WFDC13: variants seen among roughly 807,000 people sequenced by gnomAD.
WFDC13 encodes the protein WAP four-disulfide core domain protein 13.
In WFDC13, 6 loss-of-function variants were observed where a neutral mutation model predicts 10.9. The ratio of observed to expected loss-of-function variants is 0.55; its 90% CI spans 0.30 to 1.09. The LOEUF (loss-of-function observed/expected upper bound fraction) is 1.09. WFDC13 is among the 50% of genes least tolerant of loss of function. The pLI is 0.06. For missense variants in WFDC13, 104 were observed against 109.6 expected (o/e 0.95, Z 0.23); for synonymous variants, 38 against 39.5 (o/e 0.96, Z 0.14).
chr20:45,706,858 T>C (rs1261322407), intron 3 of WFDC13, among the ~76,000 whole-genome samples: 1 of 152,214 alleles, frequency 6.6e-6, no homozygotes, highest in Non-Finnish European at 1.5e-5. Context: ...CCTGTGGAAT[T>C]CCACCACCAA....
intron 1 of WFDC13, among the ~76,000 whole-genome samples, chr20:45,702,497 T>C (rs1454010624): frequency 1.3e-5 from 2 of 152,210 alleles, no homozygotes; most frequent in African/African-American, 2.4e-5. Flanking sequence ...TGCTCAGTAA[T>C]ATTAAATGCT....
In WFDC13 at chr20:45,708,316, C is replaced by T. The variant is rs1984476226; in HGVS notation, c.*481C>T. On this transcript the variant is annotated 3_prime_UTR_variant, in exon 4 of 4. Transcript: ENST00000305479. ...AGGCTTCATGGCCATATCATGAACC[C>T]AGGACAGGCACAGTGGGGGTGGTGA... The T allele has an allele frequency of 6.6e-6, 1 of 152,198 alleles. No individual in the cohort carries two copies. Among genetic ancestry groups the T allele is most frequent in the East Asian group, 1.9e-4 (1 of 5,204 alleles). 9.4% of individuals were successfully genotyped at this position (152,198 alleles called of 1,614,324 possible).
intron 1 of WFDC13, among the ~76,000 whole-genome samples, chr20:45,702,600 G>C (rs190524502): frequency 4.6e-5 from 7 of 152,354 alleles, no homozygotes; most frequent in African/African-American, 1.4e-4. Flanking sequence ...ATAAAACAGA[G>C]AGACAACGAA....
At chr20:45,703,647 T>C (rs867248089) in intron 1 of WFDC13, among the ~76,000 whole-genome samples, 2 of 152,226 alleles carry the variant, frequency 1.3e-5, no homozygotes, top group South Asian at 4.1e-4. Context: ...AAGGAGATTG[T>C]GGGTTGTGGA....
At chr20:45,702,562 A>G (rs1383179838) in intron 1 of WFDC13, among the ~76,000 whole-genome samples, 2 of 152,218 alleles carry the variant, frequency 1.3e-5, no homozygotes, top group African/African-American at 2.4e-5. Flanking sequence ...TGGCTCCTTC[A>G]TGGATGCTTG....
chr20:45,706,767 G>A (rs1306702942), intron 3 of WFDC13, among the ~76,000 whole-genome samples: 12 of 102,368 alleles, frequency 1.2e-4, no homozygotes, highest in East Asian at 8.0e-4. Flanking sequence ...GTGAGACTCC[G>A]TCTCAAAAAA....
chr20:45,706,720 C>T (rs949758593), intron 3 of WFDC13, among the ~76,000 whole-genome samples: 1 of 150,146 alleles, frequency 6.7e-6, no homozygotes, highest in Non-Finnish European at 1.5e-5. Flanking sequence ...TGCAGTGAGC[C>T]AAGAGTGCAC....
rs367643481 is a variant in WFDC13 at position 45,704,509 on chromosome 20, C to A, written c.154C>A (p.Gln52Lys). The change falls in exon 2 of 4, where the codon CAG becomes AAG. Residue 52 changes from glutamine (Q) to lysine (K), a missense_variant. Coordinates refer to ENST00000305479, the MANE Select transcript of WFDC13 (RefSeq NM_172005.2). Reference sequence around the variant, plus strand: ...AAACTGTACTCACCTGTGTACAATGCAGGAAGATTGCGAGAAAGGATTTCA... The same window carrying A: ...AAACTGTACTCACCTGTGTACAATGAAGGAAGATTGCGAGAAAGGATTTCA... ...PENCTHLCTM[Q>K]EDCEKGFQCC... 1 of 1,614,170 alleles carries A rather than the reference C, an allele frequency of 6.2e-7. No homozygotes were observed. The highest frequency in any genetic ancestry group is 8.5e-7 in the Non-Finnish European group (1 of 1,180,030).
intron 2 of WFDC13, chr20:45,705,265 A>T: frequency 4.4e-6 from 2 of 455,500 alleles, no homozygotes; most frequent in South Asian, 2.7e-5. Flanking sequence ...TGCAAGGCCC[A>T]TATGAAATTT....
At chr20:45,703,720 G>A (rs1322568286) in intron 1 of WFDC13, among the ~76,000 whole-genome samples, 1 of 152,100 alleles carries the variant, frequency 6.6e-6, no homozygotes, top group Non-Finnish European at 1.5e-5. Context: ...TTGGGGGTAG[G>A]GGAGGAAATA....
At position 45,705,897 on chromosome 20, in the gene WFDC13, G is replaced by GC. The variant is rs747788685; in HGVS notation, c.276dup (p.Asn93GlnfsTer7). ...CAAGGGCTCAGAAGTCATCATGCCT[G>GC]CCAACTGAGGCATATTTCCTAGATC... is the stretch of plus-strand genomic sequence containing the variant. On this transcript the variant is annotated frameshift_variant, in exon 3 of 4. Coordinates refer to ENST00000305479, the MANE Select transcript of WFDC13 (RefSeq NM_172005.2). LOFTEE classifies it high-confidence loss of function. The GC allele has an allele frequency of 1.2e-6, 2 of 1,613,882 alleles. No homozygotes were observed. The highest frequency in any genetic ancestry group is 1.3e-5 in the African/African-American group (1 of 74,910).
chr20:45,707,021 G>C (rs1295726573), intron 3 of WFDC13, among the ~76,000 whole-genome samples: 1 of 152,248 alleles, frequency 6.6e-6, no homozygotes, highest in Non-Finnish European at 1.5e-5. Flanking sequence ...TATTAACCCT[G>C]TACAAAGGAG....
Position 45,702,205 on chromosome 20 carries a change from G to A in WFDC13, c.82G>A (p.Val28Ile). Residue 28 changes from valine (V) to isoleucine (I), a missense_variant, in exon 1 of 4, where the codon GTT becomes ATT. By Grantham distance (29) the Val-to-Ile change is conservative (BLOSUM62 3). Coordinates refer to ENST00000305479, the MANE Select transcript of WFDC13 (RefSeq NM_172005.2). ...QLVPGSPKQRVLKYILEPPPC... is the reference protein window; with the variant it reads ...QLVPGSPKQRILKYILEPPPC... ...GGTGCCTGGGAGTCCCAAGCAGCGTGTTCTGAGTAGGTGCTGGATCTGGGC... is the reference window on the plus strand; with the variant it reads ...GGTGCCTGGGAGTCCCAAGCAGCGTATTCTGAGTAGGTGCTGGATCTGGGC... 1.9e-6 allele frequency: 3 copies of A among 1,611,916 alleles called. No individual in the cohort carries two copies. Among genetic ancestry groups the A allele is most frequent in the South Asian group, 1.1e-5 (1 of 90,350 alleles).
At chr20:45,702,264 G>A in intron 1 of WFDC13, 53 bp downstream of exon 1, 1 of 1,537,104 alleles carries the variant, frequency 6.5e-7, no homozygotes, top group South Asian at 1.2e-5. Context: ...GGATAGGAGA[G>A]GATCTGAGGG....
intron 1 of WFDC13, among the ~76,000 whole-genome samples, chr20:45,703,153 G>T (rs935498019): frequency 3.9e-5 from 6 of 152,170 alleles, no homozygotes; most frequent in Non-Finnish European, 8.8e-5. Flanking sequence ...CAGAAGAGGG[G>T]TCAAGACTTG....
At chr20:45,705,780 G>A in intron 2 of WFDC13, 83 bp from the exon 3 acceptor site, 1 of 1,312,960 alleles carries the variant, frequency 7.6e-7, no homozygotes, top group Non-Finnish European at 1.1e-6. Flanking sequence ...TAATATTAAT[G>A]GTGGAAGTAA....
Position 45,702,198 on chromosome 20 carries a change from G to C in WFDC13, c.75G>C (p.Lys25Asn). Residue 25 changes from lysine to asparagine, a missense_variant, in exon 1 of 4, where the codon AAG (lysine) becomes AAC (asparagine). Lys to Asn is a moderately conservative substitution (Grantham distance 94). Transcript: ENST00000305479. ...LALQLVPGSP[K>N]QRVLKYILEP... ...TGCAGCTGGTGCCTGGGAGTCCCAA[G>C]CAGCGTGTTCTGAGTAGGTGCTGGA... is the stretch of plus-strand genomic sequence containing the variant. 3 of 1,612,546 alleles carry C rather than the reference G, an allele frequency of 1.9e-6. No homozygotes were observed. The highest frequency in any genetic ancestry group is 2.5e-6 in the Non-Finnish European group (3 of 1,179,406).
intron 1 of WFDC13, 60 bp downstream of exon 1, chr20:45,702,271 A>G: frequency 2.6e-6 from 4 of 1,510,618 alleles, no homozygotes; most frequent in Non-Finnish European, 9.1e-7. Context: ...AGAGGATCTG[A>G]GGGCTGACAG....
rs1327234828 is a variant in WFDC13 at position 45,708,249 on chromosome 20, C to G, written c.*414C>G. 6.6e-6 allele frequency: 1 copy of G among 152,254 alleles called. No homozygotes were observed. Among genetic ancestry groups the G allele is most frequent in the Non-Finnish European group, 1.5e-5 (1 of 68,088 alleles). 9.4% of individuals were successfully genotyped at this position (152,254 alleles called of 1,614,324 possible). Reference sequence around the variant, plus strand: ...CATATTTAACCTCAAGGAGAAATATCAACCAGACACTGCATGGCAACCTCC... The same window carrying G: ...CATATTTAACCTCAAGGAGAAATATGAACCAGACACTGCATGGCAACCTCC... On this transcript the variant is annotated 3_prime_UTR_variant, in exon 4 of 4. Transcript: ENST00000305479.
Sources: gnomAD v4.1 joint callset for allele counts (sites outside exome capture counted in the v4.1 genomes callset) on GRCh38, gnomAD v4.1.1 for gene constraint, MANE v1.5 for transcripts, NCBI Gene and HGNC (gene_info 2026-07-23, HGNC 2026-07-21) for gene names.